Variants in SGCZ observed in about 807,000 individuals in gnomAD.
SGCZ encodes sarcoglycan zeta.
A neutral mutation model predicts 41.3 loss-of-function variants in SGCZ; 40 were observed. The observed-to-expected ratio is 0.97, with a 90% CI of 0.75 to 1.26. The LOEUF is 1.26. Ranked by LOEUF, SGCZ falls within the 50% of genes most tolerant of loss-of-function variation. The pLI, the probability that SGCZ is intolerant of heterozygous loss-of-function variation, is 0.00. For synonymous variants in SGCZ, 206 were observed against 137.5 expected, an observed-to-expected ratio of 1.50 and a Z score of -3.49; for missense variants, 552 against 369.8, an observed-to-expected ratio of 1.49 and a Z score of -4.04.
At chr8:14,205,610 C>T (rs1188288179) in intron 4 of SGCZ, among the ~76,000 whole-genome samples, 1 of 152,066 alleles carries the variant, frequency 6.6e-6, no homozygotes, top group Non-Finnish European at 1.5e-5. Flanking sequence ...TTCAATCTGA[C>T]AAAGCAAACT....
intron 1 of SGCZ, among the ~76,000 whole-genome samples, chr8:15,126,078 G>A (rs1343749203): frequency 7.2e-5 from 11 of 152,150 alleles, no homozygotes; most frequent in African/African-American, 2.7e-4. Context: ...CCCTGGAGGC[G>A]GAGGCTGCAG....
chr8:14,506,731 G>C (rs62498390), intron 2 of SGCZ, among the ~76,000 whole-genome samples: 2,958 of 152,220 alleles, frequency 0.019, 63 homozygotes, highest in African/African-American at 0.048. Context: ...TAAATTGAAT[G>C]GTCCATCTCA....
chr8:14,713,704 A>AAT (rs201778912), intron 1 of SGCZ, among the ~76,000 whole-genome samples: 13 of 151,784 alleles, frequency 8.6e-5, no homozygotes, highest in African/African-American at 2.7e-4. Flanking sequence ...AGAAAAAAAA[A>AAT]AAAGCTAAAG....
chr8:14,805,465 G>T (rs1222043378), intron 1 of SGCZ, among the ~76,000 whole-genome samples: 7 of 127,478 alleles, frequency 5.5e-5, no homozygotes, highest in African/African-American at 1.6e-4. Context: ...AACCAACAAA[G>T]ATCAAAAGAG....
chr8:14,210,465 AC>A (rs898421721), intron 4 of SGCZ, among the ~76,000 whole-genome samples: 5 of 75,536 alleles, frequency 6.6e-5, no homozygotes, highest in Non-Finnish European at 2.3e-5. Context: ...TGCAACTTGA[AC>A]TTTTTTTTTT....
intron 2 of SGCZ, among the ~76,000 whole-genome samples, chr8:14,355,921 T>C (rs1803279909): frequency 6.6e-6 from 1 of 152,190 alleles, no homozygotes; most frequent in African/African-American, 2.4e-5. Flanking sequence ...CCACTTACAG[T>C]GGTTTCACTT....
chr8:14,921,541 T>TA (rs764988002), intron 1 of SGCZ, among the ~76,000 whole-genome samples: 4,268 of 144,200 alleles, frequency 0.03, 98 homozygotes, highest in South Asian at 0.11. Context: ...AATCCCCATT[T>TA]AAAAAAAAAA....
chr8:15,173,984 C>G (rs268388), intron 1 of SGCZ, among the ~76,000 whole-genome samples: 2 of 152,050 alleles, frequency 1.3e-5, no homozygotes, highest in African/African-American at 2.4e-5. Flanking sequence ...AGCCTCCCAA[C>G]GTACTGGGAT....
In SGCZ at chr8:14,144,567, G is replaced by A. The variant is rs530801757; in HGVS notation, c.547+20013C>T. ...ACTTTACCAGCTGTGTTGGCTACAT[G>A]GCAAAACTCTTTCTACTGGAGAAAA... On this transcript the variant is annotated intron_variant, in intron 5 of 7. Transcript: ENST00000382080. 9.2e-5 allele frequency among the ~76,000 whole-genome samples: 14 copies of A among 152,240 alleles called. No individual in the cohort carries two copies. In the South Asian group the frequency reaches 2.9e-3, roughly 32 times the overall value.
intron 1 of SGCZ, among the ~76,000 whole-genome samples, chr8:14,806,814 T>G (rs890334816): frequency 6.6e-6 from 1 of 151,902 alleles, no homozygotes; most frequent in African/African-American, 2.4e-5. Context: ...TTGATGAACA[T>G]TGATGCAAAA....
intron 4 of SGCZ, among the ~76,000 whole-genome samples, chr8:14,202,862 C>T (rs1379851269): frequency 1.3e-5 from 2 of 152,114 alleles, no homozygotes; most frequent in Non-Finnish European, 2.9e-5. Flanking sequence ...TGTGTCTCCA[C>T]CCAAATCTCA....
chr8:14,100,073 C>T lies in SGCZ; in HGVS notation c.744+2303G>A, dbSNP rs546906737. 6.2e-5 allele frequency among the ~76,000 whole-genome samples: 9 copies of T among 145,726 alleles called. No homozygotes were observed. In the South Asian group the frequency reaches 1.7e-3, roughly 27 times the overall value. The stretch of plus-strand genomic sequence containing the variant: ...TTTAGTAAATGATAAATCTGTGGTA[C>T]AGTCAATGTAGCAAAATATATATAT... On this transcript the variant is annotated intron_variant, in intron 7 of 7. Transcript: ENST00000382080.
chr8:14,567,506 C>G (rs1463993556), intron 1 of SGCZ, among the ~76,000 whole-genome samples: 2 of 152,168 alleles, frequency 1.3e-5, no homozygotes, highest in Non-Finnish European at 1.5e-5. Flanking sequence ...ATGGACCAAT[C>G]AGCACCTTGT....
chr8:15,000,515 T>G (rs771121094), intron 1 of SGCZ, among the ~76,000 whole-genome samples: 1 of 152,054 alleles, frequency 6.6e-6, no homozygotes, highest in Admixed American at 6.5e-5. Context: ...GCTGCAGACA[T>G]AGACAAGCAA....
At chr8:14,935,185 G>T (rs1394065283) in intron 1 of SGCZ, among the ~76,000 whole-genome samples, 1 of 151,676 alleles carries the variant, frequency 6.6e-6, no homozygotes. Context: ...CTTATTAAAA[G>T]ATATTTTATT....
rs560094077 is a variant in SGCZ at position 14,485,617 on chromosome 8, G to A, written c.234+69115C>T. Among the ~76,000 whole-genome samples the A allele has an allele frequency of 3.3e-5, 5 of 152,080 alleles. No individual in the cohort carries two copies. The East Asian group carries it at 9.7e-4, about 29-fold the overall frequency. ...GTCCTGTGCTTCCAGATTCTCCCTC[G>A]GTTTCCTCTCATAGTACATGAGACA... is the stretch of plus-strand genomic sequence containing the variant. On this transcript the variant is annotated intron_variant, in intron 2 of 7. Transcript: ENST00000382080.
chr8:14,123,505 C>G (rs1377082867), intron 5 of SGCZ, among the ~76,000 whole-genome samples: 2 of 152,072 alleles, frequency 1.3e-5, no homozygotes, highest in African/African-American at 4.8e-5. Context: ...TATCATCCAT[C>G]CTACTTTTCA....
chr8:14,129,947 C>CA (rs1802987828), intron 5 of SGCZ, among the ~76,000 whole-genome samples: 1 of 152,094 alleles, frequency 6.6e-6, no homozygotes, highest in Non-Finnish European at 1.5e-5. Context: ...CAATCCTTAT[C>CA]AAAATCACAA....
intron 2 of SGCZ, among the ~76,000 whole-genome samples, chr8:14,514,810 T>C (rs186712569): frequency 0.12 from 7,025 of 56,740 alleles, 272 homozygotes; most frequent in Non-Finnish European, 0.18. Flanking sequence ...TGTGTGTGTG[T>C]GTGTATATAT....
Sources: allele counts gnomAD v4.1 joint callset (sites outside exome capture counted in the v4.1 genomes callset), GRCh38; gene constraint gnomAD v4.1.1; transcripts MANE v1.5; gene names NCBI Gene and HGNC (gene_info 2026-07-23, HGNC 2026-07-21).